ATP1A4: variants seen among roughly 807,000 people sequenced by gnomAD.
The protein encoded by ATP1A4 is sodium/potassium-transporting ATPase subunit alpha-4.
Under a neutral mutation model 114.3 loss-of-function variants are expected in ATP1A4, and 90 were observed. The ratio of observed to expected loss-of-function variants is 0.79; its 90% CI spans 0.66 to 0.94. The LOEUF (loss-of-function observed/expected upper bound fraction) is 0.94. Ranked by LOEUF, ATP1A4 falls within the 40% of genes least tolerant of loss-of-function variation. The pLI is 0.00. For synonymous variants in ATP1A4, 511 were observed against 494.1 expected, an observed-to-expected ratio of 1.03 and a Z score of -0.45; for missense variants, 1,222 against 1,313.6, an observed-to-expected ratio of 0.93 and a Z score of 1.08.
intron 7 of ATP1A4, 100 bp downstream of exon 7, chr1:160,164,524 G>A (rs1177085488): frequency 1.6e-6 from 2 of 1,265,464 alleles, no homozygotes; most frequent in African/African-American, 1.5e-5. Flanking sequence ...TCAAGTGCAG[G>A]GTCTTCCTGA....
At position 160,176,551 on chromosome 1, in the gene ATP1A4, A is replaced by T. The variant is rs145873902; in HGVS notation, c.2539A>T (p.Thr847Ser). The T allele has an allele frequency of 2.2e-4, 351 of 1,613,916 alleles. No individual in the cohort carries two copies. The highest frequency in any genetic ancestry group is 2.7e-4 in the Non-Finnish European group (320 of 1,180,022). Residue 847 changes from threonine to serine, a missense_variant, in exon 17 of 22, where the codon ACG becomes TCG. By Grantham distance (58) the Thr-to-Ser change is moderately conservative. Transcript: ENST00000368081. ...GAAGAGGCTTCCAAGGAACCCAAAG[A>T]CGGATAATCTGGTGAACCACCGTCT... ...IMKRLPRNPK[T>S]DNLVNHRLIG... is the part of the protein sequence containing the mutation.
chr1:160,171,855 A>T, intron 12 of ATP1A4, 98 bp downstream of exon 12: 1 of 1,212,226 alleles, frequency 8.2e-7, no homozygotes, highest in Non-Finnish European at 1.1e-6. Context: ...CCCTTAGTTT[A>T]ATTGAGCGGA....
At chr1:160,172,614 A>G (rs549604430) in intron 12 of ATP1A4, among the ~76,000 whole-genome samples, 1 of 152,332 alleles carries the variant, frequency 6.6e-6, no homozygotes, top group East Asian at 1.9e-4. Context: ...CTCATCATAT[A>G]CATCTTTACA....
At chr1:160,153,355 G>A in intron 2 of ATP1A4, 131 bp downstream of exon 2, 2 of 734,870 alleles carry the variant, frequency 2.7e-6, no homozygotes, top group South Asian at 3.3e-5. Context: ...CCCTCTGCCT[G>A]GCCACGTTCC....
At position 160,186,717 on chromosome 1, in the gene ATP1A4, C is replaced by T. The variant is rs1310997364; in HGVS notation, c.*18C>T. 6.2e-7 allele frequency: 1 copy of T among 1,608,682 alleles called. No individual in the cohort carries two copies. Among genetic ancestry groups the T allele is most frequent in the African/African-American group, 1.3e-5 (1 of 74,814 alleles). On this transcript the variant is annotated 3_prime_UTR_variant, in exon 22 of 22. Transcript: ENST00000368081. ...ACTACTAAACTCAGCAGATGAAGAG[C>T]TTCATGTGACACAGGGGTGTTGTGA...
In ATP1A4 at chr1:160,166,638, G is replaced by C; in HGVS notation, c.1158G>C (p.Thr386=). 2 of 1,614,190 alleles carry C rather than the reference G, an allele frequency of 1.2e-6. No homozygotes were observed. The highest frequency in any genetic ancestry group is 1.7e-6 in the Non-Finnish European group (2 of 1,180,034). The part of the protein sequence containing the change: ...GSTSTICSDK[T]GTLTQNRMTV... ...CGTCCACCATCTGCTCAGACAAGAC[G>C]GGCACCCTCACCCAGAACCGCATGA... The change falls in exon 8 of 22, where the codon ACG becomes ACC. Residue 386 remains threonine (T), a synonymous_variant. Coordinates refer to ENST00000368081, the MANE Select transcript of ATP1A4 (RefSeq NM_144699.4).
chr1:160,186,086 C>CAAAAAAAA (rs527303426), intron 20 of ATP1A4, among the ~76,000 whole-genome samples, 190 bp from the exon 21 acceptor site: 1,316 of 32,746 alleles, frequency 0.04, 184 homozygotes, highest in Non-Finnish European at 0.053. Flanking sequence ...GACTCTGTCG[C>CAAAAAAAA]AAAAAAAAAA....
intron 1 of ATP1A4, 126 bp from the exon 2 acceptor site, chr1:160,153,039 T>A: frequency 5.4e-6 from 4 of 736,696 alleles, no homozygotes; most frequent in Admixed American, 2.2e-5. Context: ...AAAAAAAGAA[T>A]TGCAGGGAGC....
intron 8 of ATP1A4, 84 bp from the exon 9 acceptor site, chr1:160,166,884 A>G: frequency 6.6e-7 from 1 of 1,510,768 alleles, no homozygotes; most frequent in South Asian, 1.2e-5. Flanking sequence ...CCTGTGAAGT[A>G]TCTGGGTGCC....
At position 160,186,399 on chromosome 1, in the gene ATP1A4, G is replaced by A. The variant is rs768714261; in HGVS notation, c.3061+32G>A. 2.2e-5 allele frequency: 34 copies of A among 1,526,398 alleles called. No individual in the cohort carries two copies. In the East Asian group the frequency reaches 5.0e-4, roughly 22 times the overall value. The allele number at this position is 1,526,398 out of a possible 1,614,324, so 94.6% of individuals were successfully genotyped here. A position where few individuals can be genotyped will look rare whatever the true frequency, so the allele number is the denominator to read the frequency against. On this transcript the variant is annotated intron_variant, in intron 21 of 21. Coordinates refer to ENST00000368081, the MANE Select transcript of ATP1A4 (RefSeq NM_144699.4). ...CTCCCCTGGGCCCCGCTCTGACTGA[G>A]TGGTCACCAGCCCCCTCACTAGCTC...
intron 7 of ATP1A4, among the ~76,000 whole-genome samples, chr1:160,165,677 G>T (rs1478224338): frequency 6.6e-6 from 1 of 152,048 alleles, no homozygotes; most frequent in African/African-American, 2.4e-5. Context: ...GCAGGAGAAT[G>T]GCTTGAACCT....
intron 10 of ATP1A4, 39 bp downstream of exon 10, chr1:160,167,451 G>A (rs753675370): frequency 2.2e-5 from 35 of 1,606,346 alleles, no homozygotes; most frequent in East Asian, 1.6e-4. Flanking sequence ...GTGGTGGGGG[G>A]ATGGGCTTAT....
At chr1:160,160,785 A>T (rs1305001815) in intron 6 of ATP1A4, among the ~76,000 whole-genome samples, 1 of 152,178 alleles carries the variant, frequency 6.6e-6, no homozygotes, top group Non-Finnish European at 1.5e-5. Context: ...AAAATACCTT[A>T]AAGAAGAAGC....
chr1:160,156,392 T>A (rs1302576548), intron 4 of ATP1A4, among the ~76,000 whole-genome samples: 1 of 140,484 alleles, frequency 7.1e-6, no homozygotes, highest in African/African-American at 2.7e-5. Context: ...AATCTGAATC[T>A]AAAGAGGAAA....
chr1:160,186,666 C>T lies in ATP1A4; in HGVS notation c.3062-5C>T. ...CAGTTCACGCTGGCCTCTTCTCTTCCACAGGCTGGGTGGAAAGGGAGACGT... is the reference window on the plus strand; with the variant it reads ...CAGTTCACGCTGGCCTCTTCTCTTCTACAGGCTGGGTGGAAAGGGAGACGT... On this transcript the variant is annotated splice_polypyrimidine_tract_variant and splice_region_variant and intron_variant, in intron 21 of 21. Coordinates refer to ENST00000368081, the MANE Select transcript of ATP1A4 (RefSeq NM_144699.4). 1 of 1,610,218 alleles carries T rather than the reference C, an allele frequency of 6.2e-7. No individual in the cohort carries two copies. The highest frequency in any genetic ancestry group is 8.5e-7 in the Non-Finnish European group (1 of 1,178,270).
At chr1:160,172,870 T>C (rs1653313304) in intron 12 of ATP1A4, among the ~76,000 whole-genome samples, 1 of 152,164 alleles carries the variant, frequency 6.6e-6, no homozygotes, top group South Asian at 2.1e-4. Context: ...CATTCCTTCA[T>C]TCAGTAATTA....
Position 160,186,856 on chromosome 1 carries a change from C to T in ATP1A4, c.*157C>T. ...TGGGCTGGCTTGAGGGAATCATGGG[C>T]AGAGGATGAGGTGGGCTGAAGGGAA... is the stretch of plus-strand genomic sequence containing the variant. On this transcript the variant is annotated 3_prime_UTR_variant, in exon 22 of 22. Coordinates refer to ENST00000368081, the MANE Select transcript of ATP1A4 (RefSeq NM_144699.4). 1.1e-6 allele frequency: 1 copy of T among 870,994 alleles called. No individual in the cohort carries two copies. Among genetic ancestry groups the T allele is most frequent in the South Asian group, 1.6e-5 (1 of 63,856 alleles). The allele number at this position is 870,994 out of a possible 1,614,324, so 54.0% of individuals were successfully genotyped here. A position where few individuals can be genotyped will look rare whatever the true frequency, so the allele number is the denominator to read the frequency against.
rs1160577237 is a variant in ATP1A4 at position 160,167,050 on chromosome 1, T to C, written c.1329T>C (p.Ala443=). The change falls in exon 9 of 22, where the codon GCT becomes GCC. Residue 443 remains alanine (A), a synonymous_variant. Transcript: ENST00000368081. ...AGLCNRADFK[A]NQEILPIAKR... is the part of the protein sequence containing the mutation. ...TCTGCAACCGGGCTGACTTTAAGGCTAATCAGGAGATCCTGCCCATTGCTA... is the reference window on the plus strand; with the variant it reads ...TCTGCAACCGGGCTGACTTTAAGGCCAATCAGGAGATCCTGCCCATTGCTA... 6.2e-7 allele frequency: 1 copy of C among 1,614,144 alleles called. No individual in the cohort carries two copies. The highest frequency in any genetic ancestry group is 1.1e-5 in the South Asian group (1 of 91,084).
chr1:160,171,562 T>A (rs1444246758), intron 11 of ATP1A4, 23 bp from the exon 12 acceptor site: 2 of 1,610,326 alleles, frequency 1.2e-6, no homozygotes, highest in Admixed American at 3.3e-5. Context: ...TGACTACTGG[T>A]CCCTCCCTCT....
Sources: allele counts gnomAD v4.1 joint callset (sites outside exome capture counted in the v4.1 genomes callset), GRCh38; gene constraint gnomAD v4.1.1; transcripts MANE v1.5; gene names NCBI Gene and HGNC (gene_info 2026-07-23, HGNC 2026-07-21).